EMX2: variants seen among roughly 807,000 people sequenced by gnomAD.
The protein encoded by EMX2 is empty spiracles homeobox 2, also known as homeobox protein EMX2.
A neutral mutation model predicts 23.0 loss-of-function variants in EMX2; 6 were observed. The observed-to-expected ratio is 0.26, with a 90% CI of 0.14 to 0.52. The LOEUF (loss-of-function observed/expected upper bound fraction) is 0.52. EMX2 is among the 20% of genes least tolerant of loss of function. The probability of loss-of-function intolerance (pLI) is 0.97; values close to 1 mark genes in which losing one functional copy is unlikely to be tolerated. For synonymous variants in EMX2, 175 were observed against 153.3 expected (o/e 1.14, Z -1.04); for missense variants, 302 against 341.4 (o/e 0.88, Z 0.91).
intron 2 of EMX2, 107 bp downstream of exon 2, chr10:117,545,923 C>A: frequency 6.7e-7 from 1 of 1,481,556 alleles, no homozygotes; most frequent in Non-Finnish European, 9.3e-7. Flanking sequence ...GCCTTCCGCA[C>A]AGGTCCTGGT....
At chr10:117,544,438 T>G (rs976575430) in intron 1 of EMX2, 3 of 151,726 alleles carry the variant, frequency 2.0e-5, no homozygotes, top group African/African-American at 7.3e-5. Context: ...TATCTGTTCG[T>G]GTGTTTTCAT....
intron 2 of EMX2, among the ~76,000 whole-genome samples, chr10:117,547,565 T>C (rs1846596792): frequency 6.6e-6 from 1 of 152,150 alleles, no homozygotes; most frequent in South Asian, 2.1e-4. Flanking sequence ...GGAGACGCTA[T>C]ATTTAGGAAA....
chr10:117,548,309 T>A lies in EMX2; in HGVS notation c.*77T>A. 6.4e-7 allele frequency: 1 copy of A among 1,560,236 alleles called. No homozygotes were observed. Among genetic ancestry groups the A allele is most frequent in the Non-Finnish European group, 8.7e-7 (1 of 1,153,570 alleles). On this transcript the variant is annotated 3_prime_UTR_variant, in exon 3 of 3. Transcript: ENST00000553456. The stretch of plus-strand genomic sequence containing the variant: ...GGAGAGGTGGAGAAGGAAAAAACCC[T>A]ACAAAACAAAAACAAACCGCATACA...
At chr10:117,547,902 C>A (rs1451861823) in intron 2 of EMX2, among the ~76,000 whole-genome samples, 163 bp from the exon 3 acceptor site, 2 of 151,888 alleles carry the variant, frequency 1.3e-5, no homozygotes, top group African/African-American at 4.8e-5. Context: ...GGCCCTGCTC[C>A]CTGAGGGCAG....
chr10:117,543,579 G>T lies in EMX2; in HGVS notation c.312G>T (p.Ser104=). 6.2e-7 allele frequency: 1 copy of T among 1,605,710 alleles called. No individual in the cohort carries two copies. Among genetic ancestry groups the T allele is most frequent in the Non-Finnish European group, 8.5e-7 (1 of 1,178,060 alleles). ...CCCACCCCCTACCCTCCTCGCACTC[G>T]CCACACCCCCTATTCGCCTCGCAGC... The part of the protein sequence containing the change: ...LAAHPLPSSH[S]PHPLFASQQR... Residue 104 remains serine, a synonymous_variant, in exon 1 of 3, where the codon TCG becomes TCT. Coordinates refer to ENST00000553456, the MANE Select transcript of EMX2 (RefSeq NM_004098.4).
In EMX2 at chr10:117,545,695, T is replaced by A. The variant is rs1473381559; in HGVS notation, c.470T>A (p.Ile157Asn). The stretch of plus-strand genomic sequence containing the variant: ...GCGCTGGCCCGAAAGCCCAAGCGGA[T>A]CCGAACCGCCTTCTCCCCGTCCCAG... ...HNALARKPKR[I>N]RTAFSPSQLL... is the part of the protein sequence containing the mutation. Residue 157 changes from isoleucine to asparagine, a missense_variant, in exon 2 of 3, where the codon ATC becomes AAC. By Grantham distance (149) the Ile-to-Asn change is moderately radical (BLOSUM62 -3). Around this residue, in one of 4 missense-constraint regions of EMX2, gnomAD observed 37 missense variants for 69.1 expected, o/e 0.54. Coordinates refer to ENST00000553456, the MANE Select transcript of EMX2 (RefSeq NM_004098.4). 1.2e-6 allele frequency: 2 copies of A among 1,614,106 alleles called. No homozygotes were observed. The highest frequency in any genetic ancestry group is 1.7e-6 in the Non-Finnish European group (2 of 1,180,040).
rs1846601924 is a variant in EMX2, at chr10:117,547,923, G to T, written c.592-142G>T. On this transcript the variant is annotated intron_variant, in intron 2 of 2. Transcript: ENST00000553456. ...GCTCCCTGAGGGCAGGCCTTGGGGA[G>T]GCTGGACCTTAGGACTTGCATCTCG... 5 of 1,216,478 alleles carry T rather than the reference G, an allele frequency of 4.1e-6. No individual in the cohort carries two copies. In the South Asian group the frequency reaches 6.6e-5, roughly 16 times the overall value. The allele number at this position is 1,216,478 out of a possible 1,614,324, so 75.4% of individuals were successfully genotyped here.
Position 117,545,828 on chromosome 10 carries a change from C to G in EMX2, c.591+12C>G, listed in dbSNP as rs1208399039. 1 of 1,613,510 alleles carries G rather than the reference C, an allele frequency of 6.2e-7. No individual in the cohort carries two copies. The highest frequency in any genetic ancestry group is 1.7e-5 in the Admixed American group (1 of 60,000). Reference sequence around the variant, plus strand: ...TCACGGAAACTCAGGTGACTGCGGCCCGGGCGCGAGGAACCCATCTAGGCG... The same window carrying G: ...TCACGGAAACTCAGGTGACTGCGGCGCGGGCGCGAGGAACCCATCTAGGCG... On this transcript the variant is annotated intron_variant, in intron 2 of 2. Transcript: ENST00000553456.
chr10:117,549,396 A>G lies in EMX2; in HGVS notation c.*1164A>G, dbSNP rs575051391. On this transcript the variant is annotated 3_prime_UTR_variant, in exon 3 of 3. Coordinates refer to ENST00000553456, the MANE Select transcript of EMX2 (RefSeq NM_004098.4). ...CCAAGATCATAGACTTACTAAAGAG[A>G]GTGACAAATGCTTCCTTAATGTCTT... 3.9e-5 allele frequency: 6 copies of G among 152,792 alleles called. No homozygotes were observed. Among genetic ancestry groups the G allele is most frequent in the Admixed American group, 1.3e-4 (2 of 15,306 alleles). 9.5% of individuals were successfully genotyped at this position (152,792 alleles called of 1,614,324 possible).
rs772039560 is a variant in EMX2 at position 117,545,787 on chromosome 10, G to T, written c.562G>T (p.Ala188Ser). ...YVVGAERKQL[A>S]HSLSLTETQV... ...GGTGGGCGCCGAAAGGAAGCAGCTG[G>T]CACACAGCCTCAGCCTCACGGAAAC... is the stretch of plus-strand genomic sequence containing the variant. Residue 188 changes from alanine (A) to serine (S), a missense_variant, in exon 2 of 3, where the codon GCA becomes TCA. Transcript: ENST00000553456. 5 of 1,613,952 alleles carry T rather than the reference G, an allele frequency of 3.1e-6. No individual in the cohort carries two copies. The highest frequency in any genetic ancestry group is 3.4e-6 in the Non-Finnish European group (4 of 1,180,038).
At chr10:117,544,471 T>C (rs1314552987) in intron 1 of EMX2, 1 of 151,820 alleles carries the variant, frequency 6.6e-6, no homozygotes, top group Non-Finnish European at 1.5e-5. Context: ...TTTTTATTTG[T>C]TTGTTTTTCT....
chr10:117,545,602 CT>C (rs748437475), intron 1 of EMX2, 29 bp from the exon 2 acceptor site: 102 of 1,613,498 alleles, frequency 6.3e-5, no homozygotes, highest in East Asian at 1.8e-4. Flanking sequence ...GCAGCCCCCC[CT>C]AATGGGATTT....
Position 117,543,278 on chromosome 10 carries a change from C to T in EMX2, c.11C>T (p.Pro4Leu), listed in dbSNP as rs1443332478. 2 of 1,548,044 alleles carry T rather than the reference C, an allele frequency of 1.3e-6. No homozygotes were observed. Among genetic ancestry groups the T allele is most frequent in the Non-Finnish European group, 1.7e-6 (2 of 1,146,016 alleles). ...GCTCCTCGGCGCAGCATGTTCCAGC[C>T]GGCGCCCAAGCGCTGCTTCACCATC... Reference protein sequence around the residue: MFQPAPKRCFTIES... With the variant: MFQLAPKRCFTIES... Residue 4 changes from proline (P) to leucine (L), a missense_variant, in exon 1 of 3, where the codon CCG becomes CTG. Around this residue, in one of 4 missense-constraint regions of EMX2, gnomAD observed 221 missense variants for 206.8 expected, o/e 1.07. Coordinates refer to ENST00000553456, the MANE Select transcript of EMX2 (RefSeq NM_004098.4).
rs148079404 is a variant in EMX2 at position 117,549,148 on chromosome 10, T to A, written c.*916T>A. On this transcript the variant is annotated 3_prime_UTR_variant, in exon 3 of 3. Coordinates refer to ENST00000553456, the MANE Select transcript of EMX2 (RefSeq NM_004098.4). ...GAAAAAAACCCCTAAATTAATTATA[T>A]TTCTTGGACATTCCCTTTCCTAACA... The A allele has an allele frequency of 0.011, 1,633 of 153,048 alleles. 32 individuals carry two copies. The highest frequency in any genetic ancestry group is 0.037 in the African/African-American group (1,545 of 41,584). The allele number at this position is 153,048 out of a possible 1,614,324, so 9.5% of individuals were successfully genotyped here. A position where few individuals can be genotyped will look rare whatever the true frequency, so the allele number is the denominator to read the frequency against.
chr10:117,548,935 T>G lies in EMX2; in HGVS notation c.*703T>G, dbSNP rs757100134. On this transcript the variant is annotated 3_prime_UTR_variant, in exon 3 of 3. Coordinates refer to ENST00000553456, the MANE Select transcript of EMX2 (RefSeq NM_004098.4). ...GTTCTGTGTGCTTTTTATTTTGATT[T>G]TTTTTCCCAAGAAATGTGCAGTCTG... 29 of 321,642 alleles carry G rather than the reference T, an allele frequency of 9.0e-5. No homozygotes were observed. Among genetic ancestry groups the G allele is most frequent in the Admixed American group, 6.4e-4 (13 of 20,314 alleles). The allele number at this position is 321,642 out of a possible 1,614,324, so 19.9% of individuals were successfully genotyped here. A position where few individuals can be genotyped will look rare whatever the true frequency, so the allele number is the denominator to read the frequency against.
rs1276892989 is a variant in EMX2, at chr10:117,543,530, T to G, written c.263T>G (p.Val88Gly). 1.3e-6 allele frequency: 2 copies of G among 1,527,134 alleles called. No homozygotes were observed. Among genetic ancestry groups the G allele is most frequent in the South Asian group, 1.1e-5 (1 of 89,020 alleles). 94.6% of individuals were successfully genotyped at this position (1,527,134 alleles called of 1,614,324 possible). The change falls in exon 1 of 3, where the codon GTG becomes GGG. Residue 88 changes from valine (V) to glycine (G), a missense_variant. Val to Gly is a moderately radical substitution (Grantham distance 109). Coordinates refer to ENST00000553456, the MANE Select transcript of EMX2 (RefSeq NM_004098.4). ...AACCCCGCCGTGCCAGTGCACCCGGTGCCGCCGCCGCACGCCCTGGCCGCC... is the reference window on the plus strand; with the variant it reads ...AACCCCGCCGTGCCAGTGCACCCGGGGCCGCCGCCGCACGCCCTGGCCGCC... ...PPNPAVPVHP[V>G]PPPHALAAHP... is the part of the protein sequence containing the mutation.
intron 2 of EMX2, among the ~76,000 whole-genome samples, chr10:117,546,164 G>A (rs1311226935): frequency 6.6e-6 from 1 of 152,210 alleles, no homozygotes; most frequent in Non-Finnish European, 1.5e-5. Flanking sequence ...AGCACAGTGG[G>A]GTTTCTGGGT....
chr10:117,543,834 T>A (rs1846534576), intron 1 of EMX2, among the ~76,000 whole-genome samples, 161 bp downstream of exon 1: 1 of 152,112 alleles, frequency 6.6e-6, no homozygotes, highest in Admixed American at 6.5e-5. Flanking sequence ...GGGCCGGGCG[T>A]GGTGTCGATC....
In EMX2 at chr10:117,548,293, G is replaced by A. The variant is rs1846609068; in HGVS notation, c.*61G>A. ...GGAGCAAAAGAGACAGGGAGAGGTG[G>A]AGAAGGAAAAAACCCTACAAAACAA... On this transcript the variant is annotated 3_prime_UTR_variant, in exon 3 of 3. Coordinates refer to ENST00000553456, the MANE Select transcript of EMX2 (RefSeq NM_004098.4). The A allele has an allele frequency of 1.3e-6, 2 of 1,592,070 alleles. No homozygotes were observed. The highest frequency in any genetic ancestry group is 1.7e-6 in the Non-Finnish European group (2 of 1,170,088).
Sources: gnomAD v4.1 joint callset for allele counts (sites outside exome capture counted in the v4.1 genomes callset) on GRCh38, gnomAD v4.1.1 for gene constraint, gnomAD v4.1.1 regional missense constraint, MANE v1.5 for transcripts, NCBI Gene and HGNC (gene_info 2026-07-23, HGNC 2026-07-21) for gene names.